The following RSRC1 variants were observed in gnomAD, a reference collection of about 807,000 sequenced individuals.
RSRC1 encodes the protein arginine and serine rich coiled-coil 1.
In RSRC1, 39 loss-of-function variants were observed where a neutral mutation model predicts 49.1. The observed-to-expected ratio is 0.79, with a 90% CI of 0.61 to 1.04. The LOEUF (loss-of-function observed/expected upper bound fraction) is 1.04. Ranked by LOEUF, RSRC1 falls within the 50% of genes least tolerant of loss-of-function variation. RSRC1 has a pLI of 0.00. For synonymous variants in RSRC1, 143 were observed against 130.8 expected (o/e 1.09, Z -0.63); for missense variants, 388 against 402.4 (o/e 0.96, Z 0.31).
intron 4 of RSRC1, among the ~76,000 whole-genome samples, chr3:158,254,643 A>G (rs991418207): frequency 6.6e-6 from 1 of 152,128 alleles, no homozygotes; most frequent in African/African-American, 2.4e-5. Flanking sequence ...CATGTTACCC[A>G]GGGTGTTCTT....
chr3:158,163,382 C>G (rs1718353568), intron 3 of RSRC1, among the ~76,000 whole-genome samples: 1 of 152,112 alleles, frequency 6.6e-6, no homozygotes, highest in South Asian at 2.1e-4. Context: ...TTTGAAGTTG[C>G]TGTAGACATT....
chr3:158,122,202 G>A lies in RSRC1; in HGVS notation c.98G>A (p.Arg33Lys). 1.2e-6 allele frequency: 2 copies of A among 1,608,678 alleles called. No homozygotes were observed. The highest frequency in any genetic ancestry group is 1.7e-6 in the Non-Finnish European group (2 of 1,176,938). ...RSSSSSSSDS[R>K]TYSRKKGGRK... The stretch of plus-strand genomic sequence containing the variant: ...TCCTCGAGCAGTTCTTCAGATAGTA[G>A]AACATACAGCCGAAAGAAAGGAGGA... Residue 33 changes from arginine to lysine, a missense_variant, in exon 2 of 10, where the codon AGA (arginine) becomes AAA (lysine). Transcript: ENST00000611884.
chr3:158,252,393 C>A (rs1724272911), intron 4 of RSRC1, among the ~76,000 whole-genome samples: 1 of 151,914 alleles, frequency 6.6e-6, no homozygotes, highest in Non-Finnish European at 1.5e-5. Flanking sequence ...TCTCGATCTC[C>A]TGACCTTGTG....
chr3:158,125,671 A>G (rs889727177), intron 3 of RSRC1, among the ~76,000 whole-genome samples: 1 of 152,174 alleles, frequency 6.6e-6, no homozygotes, highest in South Asian at 2.1e-4. Flanking sequence ...TTCCATGTAC[A>G]CTTGAGAAGA....
chr3:158,277,130 TATA>T (rs543144439), intron 4 of RSRC1, among the ~76,000 whole-genome samples: 137 of 152,268 alleles, frequency 9.0e-4, no homozygotes, highest in South Asian at 4.1e-4. Context: ...AAATTCAAAG[TATA>T]ATAATAATTA....
intron 5 of RSRC1, among the ~76,000 whole-genome samples, chr3:158,318,472 CT>C (rs1434650727): frequency 6.6e-6 from 1 of 152,130 alleles, no homozygotes; most frequent in Non-Finnish European, 1.5e-5. Context: ...GGAAAAAGTG[CT>C]TTACTGGTTT....
At chr3:158,478,948 C>CAAAA (rs10603914) in intron 7 of RSRC1, among the ~76,000 whole-genome samples, 16 of 112,282 alleles carry the variant, frequency 1.4e-4, no homozygotes, top group African/African-American at 4.7e-4. Flanking sequence ...GGAGAAAAAG[C>CAAAA]AAAAAAAAAA....
At chr3:158,475,228 T>A (rs62289512) in intron 7 of RSRC1, among the ~76,000 whole-genome samples, 13,220 of 152,138 alleles carry the variant, frequency 0.087, 644 homozygotes, top group South Asian at 0.15. Context: ...CCAGTACAAT[T>A]GTTAATCATT....
At chr3:158,172,725 A>G (rs1718947605) in intron 3 of RSRC1, among the ~76,000 whole-genome samples, 1 of 152,142 alleles carries the variant, frequency 6.6e-6, no homozygotes, top group African/African-American at 2.4e-5. Flanking sequence ...TGTTTACTTA[A>G]TCTATTTTTT....
intron 5 of RSRC1, among the ~76,000 whole-genome samples, chr3:158,316,662 T>C (rs1170908987): frequency 1.3e-5 from 2 of 151,990 alleles, no homozygotes; most frequent in African/African-American, 4.8e-5. Flanking sequence ...GCCAGGATGG[T>C]CTCGATCTCC....
chr3:158,322,198 G>A (rs1728801680), intron 5 of RSRC1, among the ~76,000 whole-genome samples: 2 of 152,198 alleles, frequency 1.3e-5, no homozygotes, highest in Non-Finnish European at 2.9e-5. Flanking sequence ...TTTATTTCGT[G>A]TTTATTTTTG....
chr3:158,240,556 T>C (rs1192072734), intron 4 of RSRC1, among the ~76,000 whole-genome samples: 10 of 152,206 alleles, frequency 6.6e-5, no homozygotes, highest in African/African-American at 2.2e-4. Flanking sequence ...TTTAACAATC[T>C]TCCTGGGTGA....
intron 7 of RSRC1, among the ~76,000 whole-genome samples, chr3:158,515,399 T>A (rs533135557): frequency 7.8e-6 from 1 of 129,014 alleles, no homozygotes; most frequent in East Asian, 2.1e-4. Context: ...TTGAAAATTC[T>A]TTTCTTTAAG....
At position 158,201,946 on chromosome 3, in the gene RSRC1, G is replaced by A. The variant is rs139444049; in HGVS notation, c.321-1126G>A. On this transcript the variant is annotated intron_variant, in intron 3 of 9. Coordinates refer to ENST00000611884, the MANE Select transcript of RSRC1 (RefSeq NM_001271838.2). ...TTATGAATACTCTGTTATTTTCCTC[G>A]AAAAATGTACCTTTGTTTATTTTTT... Among the ~76,000 whole-genome samples the A allele has an allele frequency of 4.8e-3, 723 of 152,092 alleles. 6 individuals are homozygous for A. Among genetic ancestry groups the A allele is most frequent in the African/African-American group, 0.017 (701 of 41,510 alleles).
intron 6 of RSRC1, among the ~76,000 whole-genome samples, chr3:158,373,472 T>C (rs1387395086): frequency 2.0e-5 from 3 of 151,982 alleles, no homozygotes; most frequent in African/African-American, 7.2e-5. Flanking sequence ...CTTTTCAGTA[T>C]CTATATAGAT....
At chr3:158,256,592 G>C (rs1724574482) in intron 4 of RSRC1, among the ~76,000 whole-genome samples, 1 of 152,192 alleles carries the variant, frequency 6.6e-6, no homozygotes, top group South Asian at 2.1e-4. Flanking sequence ...CATAAAATGA[G>C]TTAGGGAGGA....
chr3:158,254,834 T>C (rs1388843861), intron 4 of RSRC1, among the ~76,000 whole-genome samples: 7 of 152,240 alleles, frequency 4.6e-5, no homozygotes, highest in African/African-American at 1.7e-4. Context: ...GTGAGCATTT[T>C]TTCATGTGTC....
intron 6 of RSRC1, among the ~76,000 whole-genome samples, chr3:158,455,469 A>G (rs1737259436): frequency 6.6e-6 from 1 of 152,154 alleles, no homozygotes; most frequent in African/African-American, 2.4e-5. Context: ...TAACTTTAGC[A>G]AACAGCTACA....
intron 5 of RSRC1, among the ~76,000 whole-genome samples, chr3:158,338,446 T>G (rs1730040185): frequency 6.6e-6 from 1 of 152,206 alleles, no homozygotes; most frequent in African/African-American, 2.4e-5. Flanking sequence ...ATAGTAACTG[T>G]TAAAATGAAA....
Sources: gnomAD v4.1 joint callset for allele counts (sites outside exome capture counted in the v4.1 genomes callset) on GRCh38, gnomAD v4.1.1 for gene constraint, MANE v1.5 for transcripts, NCBI Gene and HGNC (gene_info 2026-07-23, HGNC 2026-07-21) for gene names.